The following SYT9 variants were observed in gnomAD, a reference collection of about 807,000 sequenced individuals.
SYT9 encodes the protein synaptotagmin-9.
SYT9 carries 22 observed loss-of-function variants against 48.4 expected under a neutral mutation model. The observed-to-expected ratio is 0.45, with a 90% CI of 0.32 to 0.65. The LOEUF (loss-of-function observed/expected upper bound fraction) is 0.65. SYT9 is among the 30% of genes least tolerant of loss of function. The probability of loss-of-function intolerance (pLI) is 0.03; values close to 1 mark genes in which losing one functional copy is unlikely to be tolerated. For missense variants in SYT9, 577 were observed against 622.0 expected (o/e 0.93, Z 0.77); for synonymous variants, 265 against 245.0 (o/e 1.08, Z -0.76).
chr11:7,268,604 T>A (rs1848236257), intron 1 of SYT9, among the ~76,000 whole-genome samples: 1 of 152,002 alleles, frequency 6.6e-6, no homozygotes, highest in African/African-American at 2.4e-5. Context: ...AGTATTACAG[T>A]AATAGGTTTT....
chr11:7,319,917 C>T (rs569793037), intron 3 of SYT9, among the ~76,000 whole-genome samples: 64 of 152,222 alleles, frequency 4.2e-4, no homozygotes, highest in African/African-American at 1.1e-3. Context: ...CTTTCTGGTC[C>T]GTCAGCTCTG....
Position 7,303,102 on chromosome 11 carries a change from C to G in SYT9, c.209C>G (p.Ser70Cys). 1 of 1,614,222 alleles carries G rather than the reference C, an allele frequency of 6.2e-7. No individual in the cohort carries two copies. Residue 70 changes from serine to cysteine, a missense_variant, in exon 2 of 7, where the codon TCT (serine) becomes TGT (cysteine). Ser to Cys is a moderately radical substitution (Grantham distance 112). Transcript: ENST00000318881. ...TGTGGTCTCGCTCTCTTTGGCGTGT[C>G]TCTCTTCGTATCTTGGAAACTCTGC... ...TACGLALFGV[S>C]LFVSWKLCWV...
chr11:7,311,962 A>G (rs1175376980), intron 2 of SYT9, among the ~76,000 whole-genome samples: 3 of 152,056 alleles, frequency 2.0e-5, no homozygotes, highest in African/African-American at 7.2e-5. Context: ...CATAAAATAC[A>G]GAGAAACCTT....
intron 3 of SYT9, among the ~76,000 whole-genome samples, chr11:7,364,515 C>T (rs947427885): frequency 3.3e-5 from 5 of 152,224 alleles, no homozygotes; most frequent in African/African-American, 9.6e-5. Context: ...TACCCAAACT[C>T]ATATGGCTGG....
intron 6 of SYT9, among the ~76,000 whole-genome samples, chr11:7,462,298 A>G (rs1309231514): frequency 6.6e-6 from 1 of 152,228 alleles, no homozygotes; most frequent in African/African-American, 2.4e-5. Context: ...GGCATGAATG[A>G]GATAAGGTAT....
Position 7,328,464 on chromosome 11 carries a change from T to G in SYT9, c.1044+14523T>G, listed in dbSNP as rs542595205. Reference sequence around the variant, plus strand: ...TTCCTAGAAATTACAATATGCGTTGTTAATTTAATAAAGTAAAAAGTTAAT... The same window carrying G: ...TTCCTAGAAATTACAATATGCGTTGGTAATTTAATAAAGTAAAAAGTTAAT... On this transcript the variant is annotated intron_variant, in intron 3 of 6. Coordinates refer to ENST00000318881, the MANE Select transcript of SYT9 (RefSeq NM_175733.4). 1.7e-3 allele frequency among the ~76,000 whole-genome samples: 254 copies of G among 152,312 alleles called. 2 individuals are homozygous for G. The highest frequency in any genetic ancestry group is 5.7e-3 in the African/African-American group (238 of 41,584).
intron 3 of SYT9, among the ~76,000 whole-genome samples, chr11:7,397,576 T>C (rs1564889393): frequency 6.6e-6 from 1 of 152,190 alleles, no homozygotes; most frequent in Non-Finnish European, 1.5e-5. Flanking sequence ...GGGATTTTGA[T>C]TGGAATGGCA....
chr11:7,443,283 C>T (rs545238356), intron 6 of SYT9, among the ~76,000 whole-genome samples: 1 of 152,328 alleles, frequency 6.6e-6, no homozygotes, highest in Admixed American at 6.5e-5. Flanking sequence ...CCATCCCCCA[C>T]AGAATTTACA....
chr11:7,309,176 A>G lies in SYT9; in HGVS notation c.498-4219A>G, dbSNP rs577789117. ...TTATTTTCTCTTTGTTGTTTCTTCC[A>G]TGAGAGGAAAACAGCTTTTGCCCAC... On this transcript the variant is annotated intron_variant, in intron 2 of 6. Coordinates refer to ENST00000318881, the MANE Select transcript of SYT9 (RefSeq NM_175733.4). 1.2e-4 allele frequency among the ~76,000 whole-genome samples: 18 copies of G among 152,230 alleles called. No individual in the cohort carries two copies. The East Asian group carries it at 3.5e-3, about 29-fold the overall frequency.
At chr11:7,405,383 C>T (rs1846987869) in intron 3 of SYT9, among the ~76,000 whole-genome samples, 1 of 152,132 alleles carries the variant, frequency 6.6e-6, no homozygotes, top group African/African-American at 2.4e-5. Context: ...CAAAATTACT[C>T]CCGGTTGAGA....
intron 3 of SYT9, among the ~76,000 whole-genome samples, chr11:7,414,547 G>C (rs6578863): frequency 0.4 from 61,503 of 152,068 alleles, 15,322 homozygotes; most frequent in African/African-American, 0.69. Context: ...ACCTCCAGTC[G>C]TATAGAATTC....
chr11:7,265,102 A>G (rs1413091285), intron 1 of SYT9, among the ~76,000 whole-genome samples: 2 of 152,326 alleles, frequency 1.3e-5, no homozygotes, highest in South Asian at 4.1e-4. Flanking sequence ...TAATTAGTAC[A>G]ATGATATGAA....
chr11:7,368,465 G>A (rs1380888424), intron 3 of SYT9, among the ~76,000 whole-genome samples: 1 of 151,984 alleles, frequency 6.6e-6, no homozygotes, highest in Non-Finnish European at 1.5e-5. Context: ...CATCATCTAG[G>A]TTTTAAGCCC....
intron 2 of SYT9, among the ~76,000 whole-genome samples, chr11:7,312,332 C>G (rs1252011258): frequency 1.3e-5 from 2 of 152,158 alleles, no homozygotes; most frequent in Non-Finnish European, 2.9e-5. Context: ...CTCTGCCTCT[C>G]CAACTGTTTA....
chr11:7,264,047 A>C (rs1039430893), intron 1 of SYT9, among the ~76,000 whole-genome samples: 1 of 152,068 alleles, frequency 6.6e-6, no homozygotes, highest in Non-Finnish European at 1.5e-5. Flanking sequence ...CAGTTTGTTT[A>C]TTGTCATGAA....
chr11:7,458,375 A>G (rs1848186031), intron 6 of SYT9, among the ~76,000 whole-genome samples: 3 of 152,064 alleles, frequency 2.0e-5, no homozygotes, highest in African/African-American at 4.8e-5. Context: ...CAGCCACTCA[A>G]AAGGCTGAGG....
chr11:7,465,035 T>C (rs966533916), intron 6 of SYT9, among the ~76,000 whole-genome samples: 9 of 150,872 alleles, frequency 6.0e-5, no homozygotes, highest in South Asian at 4.2e-4. Flanking sequence ...TTGCAGTGAG[T>C]CGAGATTGCG....
chr11:7,250,617 C>T (rs987077346), upstream of SYT9, among the ~76,000 whole-genome samples: 17 of 152,300 alleles, frequency 1.1e-4, no homozygotes, highest in African/African-American at 3.6e-4. Flanking sequence ...TTGCAACTCT[C>T]TGGAGGCATC....
upstream of SYT9, among the ~76,000 whole-genome samples, chr11:7,248,686 CACAA>C (rs1220273467): frequency 2.0e-5 from 3 of 152,050 alleles, no homozygotes; most frequent in Non-Finnish European, 4.4e-5. Flanking sequence ...TCAGAGATGA[CACAA>C]ACAAATGGAA....
Sources: allele counts gnomAD v4.1 joint callset (sites outside exome capture counted in the v4.1 genomes callset), GRCh38; gene constraint gnomAD v4.1.1; transcripts MANE v1.5; gene names NCBI Gene and HGNC (gene_info 2026-07-23, HGNC 2026-07-21).